Variants in PCDHGB5 observed in about 807,000 individuals in gnomAD.
PCDHGB5 encodes the protein protocadherin gamma-B5.
Under a neutral mutation model 62.9 loss-of-function variants are expected in PCDHGB5, and 48 were observed. The ratio of observed to expected loss-of-function variants is 0.76; its 90% CI spans 0.61 to 0.97. The LOEUF (loss-of-function observed/expected upper bound fraction) is 0.97. Among genes scored for constraint, PCDHGB5 ranks in the 50% least tolerant of loss-of-function variants. PCDHGB5 has a pLI of 0.00. For synonymous variants in PCDHGB5, 474 were observed against 511.2 expected (o/e 0.93, Z 0.98); for missense variants, 1,118 against 1,198.6 (o/e 0.93, Z 0.99).
Position 141,489,510 on chromosome 5 carries a change from T to A in PCDHGB5, c.2398-5297T>A, listed in dbSNP as rs762210983. 1 of 1,614,124 alleles carries A rather than the reference T, an allele frequency of 6.2e-7. No individual in the cohort carries two copies. The highest frequency in any genetic ancestry group is 1.7e-5 in the Admixed American group (1 of 60,022). On this transcript the variant is annotated intron_variant, in intron 1 of 3. Transcript: ENST00000617380. This position sits in a 1 kb window ranked among gnomAD's most constrained non-coding sequence, Gnocchi z 4.5. Reference sequence around the variant, plus strand: ...GTGCCCTGGCAGTGAATCAAAAGATTGACCGAGAAAGCCTATGTGGAGCCA... The same window carrying A: ...GTGCCCTGGCAGTGAATCAAAAGATAGACCGAGAAAGCCTATGTGGAGCCA...
chr5:141,422,158 G>GA (rs1401712595), intron 1 of PCDHGB5: 2 of 1,571,916 alleles, frequency 1.3e-6, no homozygotes, highest in Middle Eastern at 1.7e-4. Flanking sequence ...TCTGGATTTT[G>GA]AAAAATATAG....
At chr5:141,406,870 G>T (rs903338003) in intron 1 of PCDHGB5, among the ~76,000 whole-genome samples, 1 of 152,230 alleles carries the variant, frequency 6.6e-6, no homozygotes, top group Non-Finnish European at 1.5e-5. Flanking sequence ...CTCAGGAACT[G>T]CTGGGAAGAT....
rs2099694486 is a variant in PCDHGB5 at position 141,489,987 on chromosome 5, G to A, written c.2398-4820G>A. The A allele has an allele frequency of 1.2e-6, 2 of 1,614,106 alleles. No homozygotes were observed. The highest frequency in any genetic ancestry group is 1.3e-5 in the African/African-American group (1 of 74,932). The stretch of plus-strand genomic sequence containing the variant: ...CCTTCCAATCCTCAGTTCTACGTGT[G>A]GGAATCCCAGAGAATGCACCCATTG... On this transcript the variant is annotated intron_variant, in intron 1 of 3. Coordinates refer to ENST00000617380, the MANE Select transcript of PCDHGB5 (RefSeq NM_018925.3). The surrounding 1 kb of genome is among the most constrained non-coding windows in gnomAD (Gnocchi z 4.5).
intron 2 of PCDHGB5, among the ~76,000 whole-genome samples, chr5:141,501,288 T>TAC (rs1562199973): frequency 3.7e-5 from 3 of 81,228 alleles, no homozygotes; most frequent in South Asian, 4.2e-4. Context: ...GATATTCCCT[T>TAC]ATACACACAC....
chr5:141,404,407 T>C, intron 1 of PCDHGB5: 1 of 1,613,944 alleles, frequency 6.2e-7, no homozygotes, highest in East Asian at 2.2e-5. Flanking sequence ...ATGAGAATTC[T>C]AGAGTTATTT....
At chr5:141,413,389 T>G in intron 1 of PCDHGB5, 1 of 1,613,986 alleles carries the variant, frequency 6.2e-7, no homozygotes, top group Non-Finnish European at 8.5e-7. Flanking sequence ...CCGCATAGTC[T>G]CCAGAGGTAG....
intron 1 of PCDHGB5, among the ~76,000 whole-genome samples, chr5:141,406,621 A>G (rs2094831746): frequency 6.6e-6 from 1 of 152,172 alleles, no homozygotes; most frequent in African/African-American, 2.4e-5. Flanking sequence ...TTTTATTCTC[A>G]TATCTTCAAA....
At chr5:141,404,865 T>C (rs1308625182) in intron 1 of PCDHGB5, 12 of 1,613,552 alleles carry the variant, frequency 7.4e-6, no homozygotes, top group Non-Finnish European at 1.0e-5. Flanking sequence ...AGAGATGCGC[T>C]CAAACAGAGC....
chr5:141,408,022 G>A (rs915978239), intron 1 of PCDHGB5: 1 of 1,056,122 alleles, frequency 9.5e-7, no homozygotes, highest in Non-Finnish European at 1.3e-6. Context: ...GCCAACAACA[G>A]AAAGAAGAAA....
At chr5:141,422,957 A>C in intron 1 of PCDHGB5, 1 of 1,614,190 alleles carries the variant, frequency 6.2e-7, no homozygotes. Flanking sequence ...ACTGGCGTGG[A>C]GCTGGCGCCC....
chr5:141,453,288 A>G (rs931678565), intron 1 of PCDHGB5, among the ~76,000 whole-genome samples: 1 of 151,342 alleles, frequency 6.6e-6, no homozygotes, highest in Non-Finnish European at 1.5e-5. Context: ...TAATTTTTTA[A>G]TTATTTATTT....
In PCDHGB5 at chr5:141,403,547, G is replaced by A. The variant is rs940508173; in HGVS notation, c.2397+3023G>A. ...AAACCCAGAGCTGGTGCTGGAGCGC[G>A]CCCTGGACAGGGAGGAGGCAACTGC... On this transcript the variant is annotated intron_variant, in intron 1 of 3. Coordinates refer to ENST00000617380, the MANE Select transcript of PCDHGB5 (RefSeq NM_018925.3). 3.4e-5 allele frequency: 55 copies of A among 1,613,888 alleles called. No individual in the cohort carries two copies. The highest frequency in any genetic ancestry group is 4.5e-5 in the Non-Finnish European group (53 of 1,179,904).
At chr5:141,480,085 A>G (rs2099512286) in intron 1 of PCDHGB5, among the ~76,000 whole-genome samples, 1 of 152,216 alleles carries the variant, frequency 6.6e-6, no homozygotes, top group Admixed American at 6.5e-5. Context: ...TGCATGATAT[A>G]ATGTATGCAA....
chr5:141,427,805 A>G lies in PCDHGB5; in HGVS notation c.2397+27281A>G, dbSNP rs1010656936. The G allele has an allele frequency of 3.3e-6, 5 of 1,520,154 alleles. No homozygotes were observed. In the African/African-American group the frequency reaches 4.1e-5, roughly 12 times the overall value. 94.2% of individuals were successfully genotyped at this position (1,520,154 alleles called of 1,614,324 possible). ...TGTCGTCCTACGTGTCCGTGAGCGC[A>G]CAGAGCGGGGTGGTGGTCGCGCAGC... On this transcript the variant is annotated intron_variant, in intron 1 of 3. Coordinates refer to ENST00000617380, the MANE Select transcript of PCDHGB5 (RefSeq NM_018925.3).
intron 3 of PCDHGB5, among the ~76,000 whole-genome samples, chr5:141,509,049 C>G (rs1384134813): frequency 3.3e-5 from 5 of 152,150 alleles, no homozygotes; most frequent in Non-Finnish European, 5.9e-5. Context: ...TCCCCCGCCC[C>G]CAGAAAGCTC....
chr5:141,422,996 C>G lies in PCDHGB5; in HGVS notation c.2397+22472C>G. 1.2e-6 allele frequency: 2 copies of G among 1,614,224 alleles called. No homozygotes were observed. The highest frequency in any genetic ancestry group is 1.7e-6 in the Non-Finnish European group (2 of 1,180,046). On this transcript the variant is annotated intron_variant, in intron 1 of 3. Coordinates refer to ENST00000617380, the MANE Select transcript of PCDHGB5 (RefSeq NM_018925.3). ...TCTGCGGAACCTGGCTACCTGGTGA[C>G]CAAGGTGGTTGCGGTGGACAAAGAT...
chr5:141,475,013 G>T (rs950376592), intron 1 of PCDHGB5, among the ~76,000 whole-genome samples: 1 of 152,176 alleles, frequency 6.6e-6, no homozygotes, highest in African/African-American at 2.4e-5. Context: ...AAAAGTTAAG[G>T]CTCTTTATTC....
intron 1 of PCDHGB5, chr5:141,430,452 A>G (rs566189732): frequency 2.0e-3 from 408 of 202,442 alleles, no homozygotes; most frequent in South Asian, 3.8e-3. Context: ...CCTTTTGAAG[A>G]ACAGTAGGTG....
intron 1 of PCDHGB5, chr5:141,418,939 C>G: frequency 6.2e-7 from 1 of 1,613,760 alleles, no homozygotes; most frequent in Non-Finnish European, 8.5e-7. Context: ...TGGAGGATTC[C>G]CCTCCAGGAG....
Sources: gnomAD v4.1 joint callset for allele counts (sites outside exome capture counted in the v4.1 genomes callset) on GRCh38, gnomAD v4.1.1 for gene constraint, Gnocchi (gnomAD v3.1) non-coding constraint, MANE v1.5 for transcripts, NCBI Gene and HGNC (gene_info 2026-07-23, HGNC 2026-07-21) for gene names.